Variants in KIF12 observed in about 807,000 individuals in gnomAD.
The protein encoded by KIF12 is kinesin-like protein KIF12.
Under a neutral mutation model 87.9 loss-of-function variants are expected in KIF12, and 80 were observed. That is an observed-to-expected ratio of 0.91 (90% confidence interval 0.76 to 1.10). KIF12 has a LOEUF of 1.10. KIF12 is among the 50% of genes least tolerant of loss of function. KIF12 has a pLI of 0.00. For missense variants in KIF12, 819 were observed against 865.3 expected (o/e 0.95, Z 0.67); for synonymous variants, 353 against 348.5 (o/e 1.01, Z -0.14).
At chr9:114,094,008 T>G in intron 13 of KIF12, 36 bp from the exon 14 acceptor site, 3 of 1,577,530 alleles carry the variant, frequency 1.9e-6, no homozygotes, top group Non-Finnish European at 2.6e-6. Context: ...GGGTAGGAAA[T>G]GGGGCTGGGG....
In KIF12 at chr9:114,092,316, C is replaced by T; in HGVS notation, c.1816+17G>A. 1 of 1,541,132 alleles carries T rather than the reference C, an allele frequency of 6.5e-7. No homozygotes were observed. Among genetic ancestry groups the T allele is most frequent in the Non-Finnish European group, 8.7e-7 (1 of 1,146,408 alleles). On this transcript the variant is annotated intron_variant, in intron 18 of 18. Transcript: ENST00000640217. ...CACAGAGAACATTAGGGGCCCCTCC[C>T]TCTCTCCCTTCTTCACCTCTGAGCC...
intron 10 of KIF12, 35 bp downstream of exon 10, chr9:114,095,179 G>C (rs1847169897): frequency 6.2e-7 from 1 of 1,611,742 alleles, no homozygotes; most frequent in East Asian, 2.2e-5. Context: ...CCTTCCTCAA[G>C]ACCCAACCTT....
rs1436301741 is a variant in KIF12 at position 114,093,413 on chromosome 9, A to T, written c.1485T>A (p.Pro495=). The part of the protein sequence containing the change: ...PCPCLMAPAP[P]CHALPPLYSC... ...GCTGGGCCGTGAGACTCACATGGCA[A>T]GGGGGAGCTGGGGCCATCAAGCAGG... Residue 495 remains proline, a synonymous_variant, in exon 15 of 19, where the codon CCT becomes CCA. Coordinates refer to ENST00000640217, the MANE Select transcript of KIF12 (RefSeq NM_001388308.1). The T allele has an allele frequency of 4.5e-6, 7 of 1,566,032 alleles. No homozygotes were observed. Among genetic ancestry groups the T allele is most frequent in the Non-Finnish European group, 6.1e-6 (7 of 1,154,852 alleles).
intron 5 of KIF12, 65 bp downstream of exon 5, chr9:114,098,050 C>A (rs1847309553): frequency 1.4e-6 from 2 of 1,447,710 alleles, no homozygotes; most frequent in East Asian, 2.5e-5. Context: ...GCGCCGCCTG[C>A]GGCTCCCCAG....
chr9:114,093,663 A>G (rs1158491720), intron 14 of KIF12, among the ~76,000 whole-genome samples, 166 bp from the exon 15 acceptor site: 1 of 152,212 alleles, frequency 6.6e-6, no homozygotes, highest in Non-Finnish European at 1.5e-5. Flanking sequence ...AAACAAGCCT[A>G]TAAGTAGGCA....
intron 5 of KIF12, 66 bp downstream of exon 5, chr9:114,098,049 G>T: frequency 6.9e-7 from 1 of 1,448,206 alleles, no homozygotes; most frequent in Non-Finnish European, 9.3e-7. Context: ...TGCGCCGCCT[G>T]CGGCTCCCCA....
At chr9:114,095,434 C>T in intron 9 of KIF12, 102 bp from the exon 10 acceptor site, 1 of 1,245,058 alleles carries the variant, frequency 8.0e-7, no homozygotes, top group Non-Finnish European at 1.1e-6. Context: ...CTGTGTTGCC[C>T]TAAAAACCCA....
In KIF12 at chr9:114,097,360, T is replaced by C; in HGVS notation, c.587A>G (p.Glu196Gly). 6.2e-7 allele frequency: 1 copy of C among 1,609,770 alleles called. No individual in the cohort carries two copies. The highest frequency in any genetic ancestry group is 8.5e-7 in the Non-Finnish European group (1 of 1,179,032). Residue 196 changes from glutamate (E) to glycine (G), a missense_variant, in exon 7 of 19, where the codon GAG becomes GGG. Physicochemically the swap from Glu to Gly is moderately conservative, Grantham distance 98 (BLOSUM62 -2). Coordinates refer to ENST00000640217, the MANE Select transcript of KIF12 (RefSeq NM_001388308.1). ...CCCAAATTCCACCACCCGCAGCTGCTCCACATAGAAGCCCCGAGTCTTGTT... is the reference window on the plus strand; with the variant it reads ...CCCAAATTCCACCACCCGCAGCTGCCCCACATAGAAGCCCCGAGTCTTGTT... ...RWNKTRGFYV[E>G]QLRVVEFGSL...
chr9:114,093,570 C>T (rs1206234577), intron 14 of KIF12, 73 bp from the exon 15 acceptor site: 1 of 1,205,112 alleles, frequency 8.3e-7, no homozygotes, highest in African/African-American at 1.5e-5. Flanking sequence ...ATCCCCTTCC[C>T]AGCTAATACT....
intron 14 of KIF12, 75 bp downstream of exon 14, chr9:114,093,810 GC>G: frequency 2.4e-6 from 3 of 1,263,584 alleles, no homozygotes; most frequent in Non-Finnish European, 3.4e-6. Flanking sequence ...CCAGCCTCAA[GC>G]AGTTCATTAA....
intron 3 of KIF12, 104 bp from the exon 4 acceptor site, chr9:114,098,533 G>T: frequency 1.1e-6 from 1 of 879,960 alleles, no homozygotes; most frequent in South Asian, 2.0e-5. Flanking sequence ...GAGGAGGGCG[G>T]GGCACTCTGG....
chr9:114,097,821 C>CG, intron 5 of KIF12, 80 bp from the exon 6 acceptor site: 1 of 1,462,666 alleles, frequency 6.8e-7, no homozygotes, highest in Non-Finnish European at 9.2e-7. Flanking sequence ...TACCGTGCGC[C>CG]GGGAAACGTG....
rs376055324 is a variant in KIF12 at position 114,097,274 on chromosome 9, G to A, written c.646+27C>T. 3.1e-5 allele frequency: 49 copies of A among 1,600,844 alleles called. No individual in the cohort carries two copies. In the African/African-American group the frequency reaches 5.4e-4, roughly 18 times the overall value. The stretch of plus-strand genomic sequence containing the variant: ...AACTGAGGAATGGGCACCCCTACCC[G>A]CAAAACTCCCCGCTGTCAGCACACA... On this transcript the variant is annotated intron_variant, in intron 7 of 18. Coordinates refer to ENST00000640217, the MANE Select transcript of KIF12 (RefSeq NM_001388308.1).
chr9:114,092,027 GCC>G (rs1363027564), intron 18 of KIF12, 27 bp from the exon 19 acceptor site: 1 of 1,599,156 alleles, frequency 6.3e-7, no homozygotes, highest in Non-Finnish European at 8.5e-7. Flanking sequence ...CTCGAGGCCT[GCC>G]CTCTCCAGGG....
intron 7 of KIF12, 106 bp from the exon 8 acceptor site, chr9:114,096,584 A>C: frequency 3.1e-6 from 3 of 952,698 alleles, no homozygotes; most frequent in Middle Eastern, 2.3e-4. Flanking sequence ...GCCTCATGCA[A>C]AGGCAGGGAG....
At chr9:114,092,306 G>A (rs759387717) in intron 18 of KIF12, 27 bp downstream of exon 18, 4 of 1,527,318 alleles carry the variant, frequency 2.6e-6, no homozygotes, top group Non-Finnish European at 3.5e-6. Flanking sequence ...AGAACATTAG[G>A]GGCCCCTCCC....
chr9:114,094,527 T>G, intron 11 of KIF12, 72 bp from the exon 12 acceptor site: 1 of 891,264 alleles, frequency 1.1e-6, no homozygotes, highest in Non-Finnish European at 1.8e-6. Flanking sequence ...CTTCCGGGTG[T>G]GGGAAGTAAC....
At position 114,098,408 on chromosome 9, in the gene KIF12, G is replaced by A. The variant is rs1304605833; in HGVS notation, c.193C>T (p.Pro65Ser). 1.3e-6 allele frequency: 2 copies of A among 1,511,460 alleles called. No individual in the cohort carries two copies. Among genetic ancestry groups the A allele is most frequent in the Non-Finnish European group, 1.8e-6 (2 of 1,136,934 alleles). 93.6% of individuals were successfully genotyped at this position (1,511,460 alleles called of 1,614,324 possible). ...TLQVSPPGGG[P>S]EVAFRFGAVL... ...GCACCGAAGCGGAACGCCACTTCTG[G>A]ACCCCCGCCTGGAGGACTCACCTGG... Residue 65 changes from proline (P) to serine (S), a missense_variant, in exon 4 of 19, where the codon CCA becomes TCA. By Grantham distance (74) the Pro-to-Ser change is moderately conservative. Coordinates refer to ENST00000640217, the MANE Select transcript of KIF12 (RefSeq NM_001388308.1).
intron 13 of KIF12, 87 bp downstream of exon 13, chr9:114,094,094 G>T: frequency 6.8e-7 from 1 of 1,468,250 alleles, no homozygotes; most frequent in Admixed American, 1.7e-5. Flanking sequence ...AGGGAGCCAG[G>T]GGCAGGGAGA....
Sources: allele counts gnomAD v4.1 joint callset (sites outside exome capture counted in the v4.1 genomes callset), GRCh38; gene constraint gnomAD v4.1.1; transcripts MANE v1.5; gene names NCBI Gene and HGNC (gene_info 2026-07-23, HGNC 2026-07-21).